The following SHANK2 variants were observed in gnomAD, a reference collection of about 807,000 sequenced individuals.
The protein encoded by SHANK2 is SH3 and multiple ankyrin repeat domains protein 2.
Under a neutral mutation model 133.7 loss-of-function variants are expected in SHANK2, and 43 were observed. The observed-to-expected ratio is 0.32, with a 90% CI of 0.25 to 0.41. SHANK2 has a LOEUF of 0.41. Among genes scored for constraint, SHANK2 ranks in the 10% least tolerant of loss-of-function variants. The pLI is 1.00. For missense variants in SHANK2, 1,994 were observed against 2,235.8 expected (o/e 0.89, Z 2.18); for synonymous variants, 1,017 against 952.8 (o/e 1.07, Z -1.24).
intron 10 of SHANK2, among the ~76,000 whole-genome samples, chr11:70,945,245 T>A (rs1950706184): frequency 6.6e-6 from 1 of 152,142 alleles, no homozygotes; most frequent in African/African-American, 2.4e-5. Context: ...AGCATTCTAG[T>A]CAGAGTCCAC....
rs1951558423 is a variant in SHANK2 at position 71,093,799 on chromosome 11, G to T, written c.744+738C>A. Among the ~76,000 whole-genome samples, 4 of 152,194 alleles carry T rather than the reference G, an allele frequency of 2.6e-5. No homozygotes were observed. The South Asian group carries it at 8.3e-4, about 32-fold the overall frequency. On this transcript the variant is annotated intron_variant, in intron 7 of 25. Transcript: ENST00000601538. ...AGACTCACACACCAACAGAAGGGGT[G>T]CAGCTGAAATGAAGTGAAAGTCCTG...
chr11:70,952,743 C>T (rs552247439), intron 10 of SHANK2: 15 of 421,596 alleles, frequency 3.6e-5, no homozygotes, highest in African/African-American at 1.1e-4. Context: ...GCCCTGGCTT[C>T]GTGTGTCCGG....
At position 71,252,533 on chromosome 11, in the gene SHANK2, AG is replaced by A. The variant is rs1174757976; in HGVS notation, c.-222del. 1.3e-5 allele frequency: 2 copies of A among 150,432 alleles called. No homozygotes were observed. The highest frequency in any genetic ancestry group is 4.9e-5 in the African/African-American group (2 of 41,084). 9.3% of individuals were successfully genotyped at this position (150,432 alleles called of 1,614,324 possible). On this transcript the variant is annotated 5_prime_UTR_variant, in exon 1 of 26. Coordinates refer to ENST00000601538, the MANE Select transcript of SHANK2 (RefSeq NM_012309.5). This position sits in a 1 kb window ranked among gnomAD's most constrained non-coding sequence, Gnocchi z 6.3. Reference sequence around the variant, plus strand: ...GCGGCGCCGCGCCCAGCCCCGCCGGAGCTCAGGAGCCGCCGCCGCGGCTCAG... The same window carrying A: ...GCGGCGCCGCGCCCAGCCCCGCCGGACTCAGGAGCCGCCGCCGCGGCTCAG...
At position 71,252,208 on chromosome 11, in the gene SHANK2, C is replaced by T. The variant is rs142308001; in HGVS notation, c.-113+217G>A. ...GAAGAAAGGCATGCAGGGGGAAGGG[C>T]TCTCTACGGAAAATCGACCCCCACC... On this transcript the variant is annotated intron_variant, in intron 1 of 25. Transcript: ENST00000601538. This position sits in a 1 kb window ranked among gnomAD's most constrained non-coding sequence, Gnocchi z 6.3. Among the ~76,000 whole-genome samples, 160 of 152,176 alleles carry T rather than the reference C, an allele frequency of 1.1e-3. 4 individuals carry two copies. In the East Asian group the frequency reaches 0.03, roughly 28 times the overall value.
intron 2 of SHANK2, among the ~76,000 whole-genome samples, chr11:71,166,246 T>TA (rs1452109478): frequency 1.3e-5 from 2 of 152,114 alleles, no homozygotes; most frequent in Non-Finnish European, 2.9e-5. Context: ...CTGCAACAGA[T>TA]AGTCTGTGGG....
At chr11:70,863,445 T>A in intron 11 of SHANK2, 1 of 457,744 alleles carries the variant, frequency 2.2e-6, no homozygotes, top group Non-Finnish European at 4.4e-6. Flanking sequence ...GCCTGTGAAC[T>A]CCTGGCCACG....
At chr11:71,073,703 T>A (rs2135978346) in intron 9 of SHANK2, among the ~76,000 whole-genome samples, 1 of 152,008 alleles carries the variant, frequency 6.6e-6, no homozygotes, top group East Asian at 1.9e-4. Flanking sequence ...GATCAAGTAA[T>A]CCACTCCTCC....
chr11:70,660,000 A>G (rs1838588612), intron 16 of SHANK2, 48 bp from the exon 17 acceptor site: 1 of 1,613,630 alleles, frequency 6.2e-7, no homozygotes, highest in South Asian at 1.1e-5. Flanking sequence ...GATGTCTTCC[A>G]AGTTCACATT....
intron 11 of SHANK2, chr11:70,864,621 T>A (rs1204560776): frequency 6.6e-6 from 1 of 152,274 alleles, no homozygotes; most frequent in East Asian, 1.9e-4. Flanking sequence ...CCCAAATTCA[T>A]ATGTTGAAGT....
chr11:70,767,303 G>T (rs1204704148), intron 14 of SHANK2, among the ~76,000 whole-genome samples: 2 of 152,178 alleles, frequency 1.3e-5, no homozygotes. Flanking sequence ...TTTTCGAAAA[G>T]TTAAACACAG....
chr11:70,661,576 C>T lies in SHANK2; in HGVS notation c.1936+20G>A, dbSNP rs1555013310. On this transcript the variant is annotated intron_variant, in intron 16 of 25. Transcript: ENST00000601538. ...ACACAAACATGGGAACATATTCAGG[C>T]TCAGAGCGGCTGCTCTTACCTTTGG... The T allele has an allele frequency of 1.3e-6, 2 of 1,599,934 alleles. No individual in the cohort carries two copies. Among genetic ancestry groups the T allele is most frequent in the Non-Finnish European group, 1.7e-6 (2 of 1,168,788 alleles).
intron 17 of SHANK2, among the ~76,000 whole-genome samples, chr11:70,544,739 A>T (rs1487576094): frequency 6.6e-6 from 1 of 152,190 alleles, no homozygotes; most frequent in African/African-American, 2.4e-5. Context: ...TGCTGCTGTG[A>T]CCTGAAACCG....
chr11:70,764,946 G>A (rs1555041038), intron 14 of SHANK2, among the ~76,000 whole-genome samples: 1 of 152,218 alleles, frequency 6.6e-6, no homozygotes, highest in Non-Finnish European at 1.5e-5. Flanking sequence ...TGTTACATAT[G>A]GCCCCTCTCC....
intron 14 of SHANK2, among the ~76,000 whole-genome samples, chr11:70,710,212 G>A (rs1424002704): frequency 3.9e-5 from 6 of 152,172 alleles, no homozygotes; most frequent in Non-Finnish European, 7.4e-5. Flanking sequence ...CCACACCTGG[G>A]GGCTGTGCCG....
At chr11:71,079,997 T>C (rs1408509860) in intron 8 of SHANK2, among the ~76,000 whole-genome samples, 1 of 151,534 alleles carries the variant, frequency 6.6e-6, no homozygotes, top group Non-Finnish European at 1.5e-5. Context: ...GACACAAAGA[T>C]ACTGAAAGCT....
At chr11:70,502,074 G>A in intron 19 of SHANK2, 132 bp downstream of exon 19, 1 of 1,312,774 alleles carries the variant, frequency 7.6e-7, no homozygotes, top group Non-Finnish European at 1.1e-6. Flanking sequence ...ATTTCCTGAT[G>A]CACGTCTGGG....
chr11:71,156,497 A>G lies in SHANK2; in HGVS notation c.-12-9159T>C, dbSNP rs556501413. On this transcript the variant is annotated intron_variant, in intron 2 of 25. Coordinates refer to ENST00000601538, the MANE Select transcript of SHANK2 (RefSeq NM_012309.5). ...AATCCTTCCCTTTCAGACTCGCTCT[A>G]CCCCAGGTCAGAACCAACTGCCTAT... is the stretch of plus-strand genomic sequence containing the variant. Among the ~76,000 whole-genome samples the G allele has an allele frequency of 4.6e-5, 7 of 152,162 alleles. No homozygotes were observed. In the East Asian group the frequency reaches 1.4e-3, roughly 29 times the overall value.
At chr11:70,589,608 T>C (rs12278597) in intron 17 of SHANK2, among the ~76,000 whole-genome samples, 29,209 of 152,146 alleles carry the variant, frequency 0.19, 3,134 homozygotes, top group East Asian at 0.41. Flanking sequence ...AAGAAACACA[T>C]TTTGTAAGGC....
rs959186935 is a variant in SHANK2, at chr11:71,083,609, G to C, written c.913-8334C>G. The stretch of plus-strand genomic sequence containing the variant: ...GAGTCCCTCATCCCGAAGATACTGA[G>C]TCAAACTCAGAGAGGGAGGGAGAGA... On this transcript the variant is annotated intron_variant, in intron 8 of 25. Transcript: ENST00000601538. Among the ~76,000 whole-genome samples, 807 of 152,214 alleles carry C rather than the reference G, an allele frequency of 5.3e-3. 2 individuals are homozygous for C. Among genetic ancestry groups the C allele is most frequent in the African/African-American group, 0.018 (758 of 41,530 alleles).
Sources: allele counts gnomAD v4.1 joint callset (sites outside exome capture counted in the v4.1 genomes callset), GRCh38; gene constraint gnomAD v4.1.1; non-coding constraint Gnocchi (gnomAD v3.1); transcripts MANE v1.5; gene names NCBI Gene and HGNC (gene_info 2026-07-23, HGNC 2026-07-21).